AK5: variants seen among roughly 807,000 people sequenced by gnomAD.
The protein encoded by AK5 is adenylate kinase 5.
In AK5, 27 loss-of-function variants were observed where a neutral mutation model predicts 69.5. The ratio of observed to expected loss-of-function variants is 0.39; its 90% confidence interval spans 0.29 to 0.54. The LOEUF (loss-of-function observed/expected upper bound fraction) is 0.54. AK5 is among the 20% of genes least tolerant of loss of function. The pLI is 0.71. For missense variants in AK5, 531 were observed against 700.4 expected (o/e 0.76, Z 2.73); for synonymous variants, 260 against 244.4 (o/e 1.06, Z -0.60).
At chr1:77,316,655 A>G (rs1660259923) in intron 5 of AK5, among the ~76,000 whole-genome samples, 1 of 152,226 alleles carries the variant, frequency 6.6e-6, no homozygotes, top group African/African-American at 2.4e-5. Context: ...TTTTCTAAGC[A>G]TTAGCACTTT....
chr1:77,444,761 G>C (rs946427813), intron 8 of AK5, among the ~76,000 whole-genome samples: 2 of 146,928 alleles, frequency 1.4e-5, no homozygotes, highest in South Asian at 4.3e-4. Flanking sequence ...GTAGAGATTG[G>C]GGGGAGGGTC....
At chr1:77,393,674 T>C (rs1648636378) in intron 6 of AK5, among the ~76,000 whole-genome samples, 1 of 152,176 alleles carries the variant, frequency 6.6e-6, no homozygotes, top group Non-Finnish European at 1.5e-5. Flanking sequence ...TCTGTACTAA[T>C]AATGGATTTT....
intron 5 of AK5, among the ~76,000 whole-genome samples, chr1:77,298,191 T>G (rs1659119929): frequency 6.6e-6 from 1 of 152,094 alleles, no homozygotes; most frequent in Non-Finnish European, 1.5e-5. Context: ...AAAATGCAAA[T>G]CTCTCTAAAA....
chr1:77,415,088 A>G (rs968287128), intron 7 of AK5, among the ~76,000 whole-genome samples: 4 of 152,174 alleles, frequency 2.6e-5, no homozygotes, highest in African/African-American at 9.7e-5. Flanking sequence ...ATTGCAACAG[A>G]GGGAGACTCT....
At chr1:77,308,331 C>A (rs1028989645) in intron 5 of AK5, among the ~76,000 whole-genome samples, 1 of 151,890 alleles carries the variant, frequency 6.6e-6, no homozygotes, top group African/African-American at 2.4e-5. Flanking sequence ...AGCCACCTGG[C>A]CCTACTTCTT....
chr1:77,404,673 T>A (rs1428231687), intron 6 of AK5, among the ~76,000 whole-genome samples: 1 of 150,902 alleles, frequency 6.6e-6, no homozygotes, highest in Non-Finnish European at 1.5e-5. Context: ...AAATGAAATC[T>A]GACTTAATTC....
chr1:77,497,181 C>T (rs531627669), intron 10 of AK5, among the ~76,000 whole-genome samples: 94 of 152,162 alleles, frequency 6.2e-4, no homozygotes, highest in African/African-American at 1.4e-3. Flanking sequence ...CAAACAACTC[C>T]GGACGTGCCA....
chr1:77,354,290 C>G (rs951473348), intron 6 of AK5, among the ~76,000 whole-genome samples: 2 of 152,162 alleles, frequency 1.3e-5, no homozygotes, highest in Non-Finnish European at 2.9e-5. Flanking sequence ...ATTCATTCAT[C>G]AATTTCTTTT....
chr1:77,408,645 A>G (rs4351702), intron 6 of AK5, among the ~76,000 whole-genome samples: 146,529 of 152,214 alleles, frequency 0.96, 70,766 homozygotes, highest in East Asian at 1. Flanking sequence ...GGTCCCACTT[A>G]TCAATTTTTA....
chr1:77,531,419 G>C (rs535900949), intron 12 of AK5, among the ~76,000 whole-genome samples: 1 of 152,110 alleles, frequency 6.6e-6, no homozygotes, highest in Admixed American at 6.5e-5. Flanking sequence ...GTGCTGATTG[G>C]TGCGTTTACA....
intron 6 of AK5, among the ~76,000 whole-genome samples, chr1:77,383,028 C>A (rs1647758299): frequency 6.6e-6 from 1 of 152,062 alleles, no homozygotes. Context: ...TAAAGTGTAT[C>A]CCTAGAACAT....
At chr1:77,287,465 T>A (rs1658423408) in intron 2 of AK5, among the ~76,000 whole-genome samples, 1 of 152,252 alleles carries the variant, frequency 6.6e-6, no homozygotes, top group South Asian at 2.1e-4. Flanking sequence ...AATACGGGTA[T>A]AATTGATAGT....
At chr1:77,433,592 A>T (rs1352923456) in intron 8 of AK5, among the ~76,000 whole-genome samples, 2 of 151,276 alleles carry the variant, frequency 1.3e-5, no homozygotes, top group Non-Finnish European at 3.0e-5. Context: ...TCATATTGTC[A>T]TGAATAGTTT....
chr1:77,361,449 A>C (rs1377279697), intron 6 of AK5, among the ~76,000 whole-genome samples: 1 of 152,194 alleles, frequency 6.6e-6, no homozygotes, highest in Non-Finnish European at 1.5e-5. Flanking sequence ...AAGTGAAATA[A>C]TATGTATAAA....
At chr1:77,331,659 G>A (rs1182580283) in intron 5 of AK5, among the ~76,000 whole-genome samples, 1 of 152,092 alleles carries the variant, frequency 6.6e-6, no homozygotes, top group East Asian at 1.9e-4. Flanking sequence ...TCATGAGTGA[G>A]ATCGGCCTAA....
intron 5 of AK5, among the ~76,000 whole-genome samples, chr1:77,337,491 T>C (rs983885262): frequency 2.0e-5 from 3 of 152,142 alleles, no homozygotes; most frequent in African/African-American, 7.2e-5. Context: ...GTCAAAAAAA[T>C]TTCTTATGTA....
chr1:77,463,246 G>A (rs1653946422), intron 8 of AK5, among the ~76,000 whole-genome samples: 1 of 152,230 alleles, frequency 6.6e-6, no homozygotes, highest in African/African-American at 2.4e-5. Flanking sequence ...GGAGGAGTAA[G>A]TGAGGGATCA....
intron 1 of AK5, among the ~76,000 whole-genome samples, chr1:77,284,600 T>G (rs1658245625): frequency 6.6e-6 from 1 of 152,238 alleles, no homozygotes; most frequent in African/African-American, 2.4e-5. Flanking sequence ...ACTTTCTTAT[T>G]ATTTTGTCAT....
rs370891362 is a variant in AK5, at chr1:77,535,904, C to T, written c.1486C>T (p.Arg496Cys). 28 of 1,613,880 alleles carry T rather than the reference C, an allele frequency of 1.7e-5. No homozygotes were observed. The highest frequency in any genetic ancestry group is 8.0e-5 in the African/African-American group (6 of 74,858). ...CTGCTCGGCAGACACCATGACCAACCGCCTTCTCCAAAGGAGCCGGAGCAG... is the reference window on the plus strand; with the variant it reads ...CTGCTCGGCAGACACCATGACCAACTGCCTTCTCCAAAGGAGCCGGAGCAG... ...MDCSADTMTN[R>C]LLQRSRSSLP... Residue 496 changes from arginine (R) to cysteine (C), a missense_variant, in exon 13 of 14, where the codon CGC (arginine) becomes TGC (cysteine). Coordinates refer to ENST00000354567, the MANE Select transcript of AK5 (RefSeq NM_174858.3).
Sources: allele counts gnomAD v4.1 joint callset (sites outside exome capture counted in the v4.1 genomes callset), GRCh38; gene constraint gnomAD v4.1.1; transcripts MANE v1.5; gene names NCBI Gene and HGNC (gene_info 2026-07-23, HGNC 2026-07-21).